The following ENTHD1 variants were observed in gnomAD, a reference collection of about 807,000 sequenced individuals.
ENTHD1 encodes ENTH domain containing 1, also known as ENTH domain-containing protein 1.
In ENTHD1, 23 loss-of-function variants were observed where a neutral mutation model predicts 39.1. The observed-to-expected ratio is 0.59, with a 90% CI of 0.42 to 0.83. The LOEUF (loss-of-function observed/expected upper bound fraction) is 0.83, where lower values mean the gene tolerates loss of function less well. Among genes scored for constraint, ENTHD1 ranks in the 40% least tolerant of loss-of-function variants. The pLI is 0.00. For missense variants in ENTHD1, 624 were observed against 705.4 expected, an observed-to-expected ratio of 0.88 and a Z score of 1.31; for synonymous variants, 230 against 258.2, an observed-to-expected ratio of 0.89 and a Z score of 1.05.
intron 3 of ENTHD1, among the ~76,000 whole-genome samples, chr22:39,846,088 T>C (rs770005421): frequency 2.0e-5 from 3 of 152,222 alleles, no homozygotes; most frequent in African/African-American, 4.8e-5. Context: ...GTTTCTTTGA[T>C]AAGTGGTGCT....
At chr22:39,848,397 G>T (rs958113594) in intron 3 of ENTHD1, among the ~76,000 whole-genome samples, 2 of 152,026 alleles carry the variant, frequency 1.3e-5, no homozygotes. Context: ...GGGATTACAG[G>T]CATGCACCAC....
At chr22:39,863,807 TG>T (rs2066163051) in intron 2 of ENTHD1, among the ~76,000 whole-genome samples, 1 of 152,196 alleles carries the variant, frequency 6.6e-6, no homozygotes. Flanking sequence ...TGGTCAAATT[TG>T]GGGTATATTT....
intron 2 of ENTHD1, among the ~76,000 whole-genome samples, chr22:39,866,670 T>C (rs554776403): frequency 1.6e-4 from 25 of 152,328 alleles, no homozygotes; most frequent in African/African-American, 5.5e-4. Context: ...TATGCAGACA[T>C]GGGCCTCTGA....
chr22:39,863,904 T>G (rs922674506), intron 2 of ENTHD1, among the ~76,000 whole-genome samples: 1 of 152,226 alleles, frequency 6.6e-6, no homozygotes, highest in Non-Finnish European at 1.5e-5. Context: ...TTTGCTCAAG[T>G]TGCCATCTTT....
intron 3 of ENTHD1, among the ~76,000 whole-genome samples, chr22:39,850,680 A>C (rs529745604): frequency 1.1e-4 from 17 of 151,648 alleles, no homozygotes; most frequent in Non-Finnish European, 2.5e-4. Context: ...TATGCACTCT[A>C]TTTCTCTTCT....
intron 4 of ENTHD1, among the ~76,000 whole-genome samples, chr22:39,829,297 A>G (rs1348760812): frequency 6.6e-6 from 1 of 152,172 alleles, no homozygotes; most frequent in African/African-American, 2.4e-5. Flanking sequence ...TCTCACTGAA[A>G]TAAGATGTAA....
intron 1 of ENTHD1, among the ~76,000 whole-genome samples, chr22:39,890,099 AAAATAAATAAATAAATAAATAAAT>A (rs202065437): frequency 6.4e-5 from 9 of 139,574 alleles, no homozygotes; most frequent in Admixed American, 2.2e-4. Context: ...CTCTGTCTCA[AAAATAAATAAATAAATAAATAAAT>A]AAATAAATAA....
chr22:39,873,341 T>TA (rs1311975286), intron 2 of ENTHD1, among the ~76,000 whole-genome samples: 4 of 152,200 alleles, frequency 2.6e-5, no homozygotes, highest in Non-Finnish European at 2.9e-5. Flanking sequence ...AATACTGTAA[T>TA]TTGTGTAAAT....
At chr22:39,786,836 C>A (rs897851633) in intron 5 of ENTHD1, among the ~76,000 whole-genome samples, 1 of 152,140 alleles carries the variant, frequency 6.6e-6, no homozygotes, top group Admixed American at 6.6e-5. Flanking sequence ...ATAATGTCTT[C>A]CAGGTTTATT....
chr22:39,765,752 C>T (rs1311951207), intron 5 of ENTHD1, 143 bp from the exon 6 acceptor site: 4 of 844,068 alleles, frequency 4.7e-6, no homozygotes, highest in Non-Finnish European at 7.0e-6. Context: ...TCTTACTATG[C>T]TTCTATATTC....
intron 2 of ENTHD1, among the ~76,000 whole-genome samples, chr22:39,880,202 C>T (rs1415073668): frequency 1.3e-5 from 2 of 152,206 alleles, no homozygotes; most frequent in Non-Finnish European, 2.9e-5. Context: ...CCACTGCACT[C>T]CAGCCCAGTG....
chr22:39,821,037 G>A lies in ENTHD1; in HGVS notation c.788C>T (p.Thr263Ile), dbSNP rs545116511. Reference sequence around the variant, plus strand: ...AACTTCTTCTGCTTCTGACAAGCAAGTGATTGGAGAGACAATGGAAGGAGG... The same window carrying A: ...AACTTCTTCTGCTTCTGACAAGCAAATGATTGGAGAGACAATGGAAGGAGG... Reference protein sequence around the residue: ...ATPPSIVSPITCLSEAEEVCN... With the variant: ...ATPPSIVSPIICLSEAEEVCN... The change falls in exon 5 of 7, where the codon ACT becomes ATT. Residue 263 changes from threonine (T) to isoleucine (I), a missense_variant. By Grantham distance (89) the Thr-to-Ile change is moderately conservative (BLOSUM62 -1). Coordinates refer to ENST00000325157, the MANE Select transcript of ENTHD1 (RefSeq NM_152512.4). 10 of 1,614,086 alleles carry A rather than the reference G, an allele frequency of 6.2e-6. No homozygotes were observed. The South Asian group carries it at 1.1e-4, about 18-fold the overall frequency.
chr22:39,807,654 C>T (rs1038967618), intron 5 of ENTHD1, among the ~76,000 whole-genome samples: 1 of 152,200 alleles, frequency 6.6e-6, no homozygotes, highest in Non-Finnish European at 1.5e-5. Context: ...CTCTTCTCTC[C>T]TCACTTGGTT....
chr22:39,845,339 G>A (rs2065978227), intron 3 of ENTHD1, among the ~76,000 whole-genome samples: 1 of 152,200 alleles, frequency 6.6e-6, no homozygotes, highest in South Asian at 2.1e-4. Flanking sequence ...GGATTCAAAT[G>A]CAGACAGTAT....
chr22:39,873,632 C>T (rs1418705673), intron 2 of ENTHD1, among the ~76,000 whole-genome samples: 3 of 152,114 alleles, frequency 2.0e-5, no homozygotes. Flanking sequence ...AAAATACCTG[C>T]TCTTCATTTT....
At chr22:39,869,981 T>C (rs1031700543) in intron 2 of ENTHD1, among the ~76,000 whole-genome samples, 1 of 140,446 alleles carries the variant, frequency 7.1e-6, no homozygotes, top group Admixed American at 7.7e-5. Context: ...TGGAGAACAG[T>C]ACTTTATTTA....
In ENTHD1 at chr22:39,835,087, C is replaced by A. The variant is rs571916737; in HGVS notation, c.711+753G>T. 4.1e-4 allele frequency among the ~76,000 whole-genome samples: 62 copies of A among 152,136 alleles called. 1 individual carries two copies. The highest frequency in any genetic ancestry group is 4.0e-3 in the Admixed American group (61 of 15,278). The stretch of plus-strand genomic sequence containing the variant: ...ATATAATTACATAGAACCACACACA[C>A]AAAAACACAAATACAAGTTTAAAAA... On this transcript the variant is annotated intron_variant, in intron 4 of 6. Transcript: ENST00000325157.
At chr22:39,853,190 T>C (rs905749743) in intron 3 of ENTHD1, among the ~76,000 whole-genome samples, 1 of 152,182 alleles carries the variant, frequency 6.6e-6, no homozygotes, top group African/African-American at 2.4e-5. Context: ...ATGAAACCAA[T>C]TTTACCATAG....
At chr22:39,814,848 T>G (rs2065721288) in intron 5 of ENTHD1, among the ~76,000 whole-genome samples, 1 of 152,148 alleles carries the variant, frequency 6.6e-6, no homozygotes, top group Non-Finnish European at 1.5e-5. Flanking sequence ...TAAGAATTTC[T>G]TAAAATAACA....
Sources: allele counts gnomAD v4.1 joint callset (sites outside exome capture counted in the v4.1 genomes callset), GRCh38; gene constraint gnomAD v4.1.1; transcripts MANE v1.5; gene names NCBI Gene and HGNC (gene_info 2026-07-23, HGNC 2026-07-21).